QPCT: variants seen among roughly 807,000 people sequenced by gnomAD.
QPCT encodes glutaminyl-peptide cyclotransferase, also known as EC.
In QPCT, 44 loss-of-function variants were observed where a neutral mutation model predicts 43.4. The observed-to-expected ratio is 1.01, with a 90% CI of 0.80 to 1.30. QPCT has a LOEUF of 1.30. Ranked by LOEUF, QPCT falls within the 50% of genes most tolerant of loss-of-function variation. The probability of loss-of-function intolerance (pLI) is 0.00; values close to 1 mark genes in which losing one functional copy is unlikely to be tolerated. For synonymous variants in QPCT, 168 were observed against 168.4 expected, an observed-to-expected ratio of 1.00 and a Z score of 0.02; for missense variants, 526 against 436.5, an observed-to-expected ratio of 1.21 and a Z score of -1.83.
intron 4 of QPCT, among the ~76,000 whole-genome samples, chr2:37,367,737 T>C (rs1242914022): frequency 1.3e-5 from 2 of 152,074 alleles, no homozygotes; most frequent in African/African-American, 2.4e-5. Flanking sequence ...CTGGGTGTTG[T>C]GTATGCCTGT....
At chr2:37,358,012 T>C (rs1672783673) in intron 2 of QPCT, among the ~76,000 whole-genome samples, 1 of 152,026 alleles carries the variant, frequency 6.6e-6, no homozygotes, top group Admixed American at 6.6e-5. Flanking sequence ...TAGATGTTAA[T>C]TGAAGGACAA....
intron 2 of QPCT, among the ~76,000 whole-genome samples, chr2:37,356,223 A>G (rs927340423): frequency 1.3e-5 from 2 of 152,166 alleles, no homozygotes; most frequent in Non-Finnish European, 2.9e-5. Context: ...GAAGTAGACT[A>G]TCTTGTAACA....
intron 1 of QPCT, among the ~76,000 whole-genome samples, chr2:37,352,089 A>T (rs991446998): frequency 6.6e-6 from 1 of 152,078 alleles, no homozygotes; most frequent in African/African-American, 2.4e-5. Flanking sequence ...TAGTAGCTAC[A>T]TTAAAAAAGT....
At position 37,373,020 on chromosome 2, in the gene QPCT, A is replaced by G; in HGVS notation, c.*193A>G. ...TGTGATATTGTGTCCTAAATTGCTC[A>G]TTAATTTTTATTTACAGATTGAAAA... On this transcript the variant is annotated 3_prime_UTR_variant, in exon 7 of 7. Transcript: ENST00000338415. 1 of 429,214 alleles carries G rather than the reference A, an allele frequency of 2.3e-6. No homozygotes were observed. Among genetic ancestry groups the G allele is most frequent in the Non-Finnish European group, 4.0e-6 (1 of 250,630 alleles). 26.6% of individuals were successfully genotyped at this position (429,214 alleles called of 1,614,324 possible).
rs748494284 is a variant in QPCT, at chr2:37,372,406, C to T, written c.874C>T (p.Arg292Trp). 43 of 1,613,940 alleles carry T rather than the reference C, an allele frequency of 2.7e-5. No individual in the cohort carries two copies. The highest frequency in any genetic ancestry group is 3.4e-5 in the Non-Finnish European group (40 of 1,179,980). ...GLLKDHSLEGRYFQNYSYGGV... is the reference protein window; with the variant it reads ...GLLKDHSLEGWYFQNYSYGGV... ...GCTCAAGGATCACTCTTTGGAGGGG[C>T]GGTATTTCCAGAATTACAGTTATGG... Residue 292 changes from arginine to tryptophan, a missense_variant, in exon 6 of 7, where the codon CGG (arginine) becomes TGG (tryptophan). Arg to Trp is a moderately radical substitution (Grantham distance 101). Transcript: ENST00000338415.
intron 1 of QPCT, among the ~76,000 whole-genome samples, chr2:37,348,868 T>A (rs1672563025): frequency 6.6e-6 from 1 of 152,222 alleles, no homozygotes; most frequent in South Asian, 2.1e-4. Context: ...TACAATAAAT[T>A]GGGGTTTGCA....
chr2:37,347,185 TATATATAA>T (rs1199611771), intron 1 of QPCT, among the ~76,000 whole-genome samples: 72 of 97,500 alleles, frequency 7.4e-4, no homozygotes, highest in Non-Finnish European at 8.9e-4. Context: ...ATATAACATA[TATATATAA>T]CATATATATA....
chr2:37,348,361 T>G (rs1398385379), intron 1 of QPCT, among the ~76,000 whole-genome samples: 1 of 152,144 alleles, frequency 6.6e-6, no homozygotes, highest in Non-Finnish European at 1.5e-5. Context: ...CTGCTTGCAT[T>G]TTAGAAAAGA....
chr2:37,357,466 T>G (rs1672773988), intron 2 of QPCT, among the ~76,000 whole-genome samples: 1 of 152,230 alleles, frequency 6.6e-6, no homozygotes, highest in African/African-American at 2.4e-5. Context: ...TCATATTTAC[T>G]GTTAGAATGA....
At position 37,372,465 on chromosome 2, in the gene QPCT, A is replaced by C. The variant is rs778240340; in HGVS notation, c.933A>C (p.Leu311Phe). 28 of 1,609,658 alleles carry C rather than the reference A, an allele frequency of 1.7e-5. No homozygotes were observed. Among genetic ancestry groups the C allele is most frequent in the Non-Finnish European group, 2.4e-5 (28 of 1,176,168 alleles). ...GVIQDDHIPF[L>F]RRGVPVLHLI... is the part of the protein sequence containing the mutation. ...TTCAGGATGACCATATTCCATTTTT[A>C]AGAAGAGGTAATGTGTGTGTGTGTG... The change falls in exon 6 of 7, where the codon TTA becomes TTC. Residue 311 changes from leucine (L) to phenylalanine (F), a missense_variant. Transcript: ENST00000338415.
chr2:37,363,023 G>A (rs1480580679), intron 3 of QPCT, among the ~76,000 whole-genome samples: 1 of 152,204 alleles, frequency 6.6e-6, no homozygotes, highest in Non-Finnish European at 1.5e-5. Flanking sequence ...GGCACCCCAT[G>A]GAAATCGGGG....
At chr2:37,352,973 T>TACTG (rs1274689078) in intron 2 of QPCT, 38 bp downstream of exon 2, 2 of 1,589,948 alleles carry the variant, frequency 1.3e-6, no homozygotes, top group Admixed American at 3.4e-5. Flanking sequence ...CTTGTGTGAA[T>TACTG]ACTGTGCTTT....
At chr2:37,345,663 G>T (rs12467820) in intron 1 of QPCT, among the ~76,000 whole-genome samples, 86,909 of 151,522 alleles carry the variant, frequency 0.57, 25,632 homozygotes, top group East Asian at 0.91. Context: ...GTGAAACCCT[G>T]TCTCTACTAA....
At chr2:37,357,843 G>A (rs1672780383) in intron 2 of QPCT, among the ~76,000 whole-genome samples, 1 of 151,984 alleles carries the variant, frequency 6.6e-6, no homozygotes, top group Admixed American at 6.5e-5. Context: ...CAGGCCACAT[G>A]GGACTTGGCT....
rs1558599309 is a variant in QPCT at position 37,347,165 on chromosome 2, A to ATATATATATAT, written c.120+2314_120+2315insTATATATATAT. ...TGTTTTATATATATATATATATATA[A>ATATATATATAT]CATATATATATATAACATATATATA... On this transcript the variant is annotated intron_variant, in intron 1 of 6. Transcript: ENST00000338415. 2.2e-4 allele frequency among the ~76,000 whole-genome samples: 6 copies of ATATATATATAT among 27,340 alleles called. 1 individual carries two copies. Among genetic ancestry groups the ATATATATATAT allele is most frequent in the East Asian group, 6.5e-3 (1 of 154 alleles). The allele number at this position is 27,340 out of a possible 152,430, so 17.9% of individuals were successfully genotyped here. A position where few individuals can be genotyped will look rare whatever the true frequency, so the allele number is the denominator to read the frequency against.
intron 3 of QPCT, among the ~76,000 whole-genome samples, chr2:37,365,696 G>A (rs151080860): frequency 6.6e-6 from 1 of 152,322 alleles, no homozygotes; most frequent in East Asian, 1.9e-4. Flanking sequence ...GCAGATGAGA[G>A]AGGATAGGAT....
Position 37,344,672 on chromosome 2 carries a change from G to T in QPCT, c.-60G>T. On this transcript the variant is annotated 5_prime_UTR_variant, in exon 1 of 7. Transcript: ENST00000338415. ...AGAAGAGGGAAGGCGAAGGACGCGC[G>T]TTCCCGGGCTCGTGACCGCCAGCGG... 3 of 1,544,494 alleles carry T rather than the reference G, an allele frequency of 1.9e-6. No individual in the cohort carries two copies. The South Asian group carries it at 3.6e-5, about 18-fold the overall frequency.
intron 1 of QPCT, among the ~76,000 whole-genome samples, chr2:37,347,958 A>C (rs1672538410): frequency 6.6e-6 from 1 of 152,218 alleles, no homozygotes; most frequent in African/African-American, 2.4e-5. Context: ...AGAAAAATAC[A>C]CTAAAAAGAA....
In QPCT at chr2:37,372,473, G is replaced by T. The variant is rs956220983; in HGVS notation, c.940+1G>T. 1.2e-6 allele frequency: 2 copies of T among 1,601,246 alleles called. No individual in the cohort carries two copies. The highest frequency in any genetic ancestry group is 1.7e-6 in the Non-Finnish European group (2 of 1,168,456). The stretch of plus-strand genomic sequence containing the variant: ...GACCATATTCCATTTTTAAGAAGAG[G>T]TAATGTGTGTGTGTGTGTGTGTTTG... On this transcript the variant is annotated splice_donor_variant, in intron 6 of 6. Coordinates refer to ENST00000338415, the MANE Select transcript of QPCT (RefSeq NM_012413.4). LOFTEE classifies it high-confidence loss of function.
Sources: allele counts gnomAD v4.1 joint callset (sites outside exome capture counted in the v4.1 genomes callset), GRCh38; gene constraint gnomAD v4.1.1; transcripts MANE v1.5; gene names NCBI Gene and HGNC (gene_info 2026-07-23, HGNC 2026-07-21).